The following ZNF18 variants were observed in gnomAD, a reference collection of about 807,000 sequenced individuals.
The protein encoded by ZNF18 is zinc finger protein 18, also known as heart development-specific gene 1 protein.
ZNF18 carries 42 observed loss-of-function variants against 58.1 expected under a neutral mutation model. The ratio of observed to expected loss-of-function variants is 0.72; its 90% CI spans 0.56 to 0.93. The LOEUF is 0.93. ZNF18 is among the 40% of genes least tolerant of loss of function. The probability of loss-of-function intolerance (pLI) is 0.00; values close to 1 mark genes in which losing one functional copy is unlikely to be tolerated. For missense variants in ZNF18, 540 were observed against 644.2 expected, an observed-to-expected ratio of 0.84 and a Z score of 1.75; for synonymous variants, 231 against 239.8, an observed-to-expected ratio of 0.96 and a Z score of 0.34.
the ZNF18 span, chr17:12,020,868 C>T: frequency 8.8e-7 from 1 of 1,138,852 alleles, no homozygotes; most frequent in Non-Finnish European, 1.1e-6. Flanking sequence ...CGGCGCCGCT[C>T]GGCTCTTCAC....
Position 11,988,402 on chromosome 17 carries a change from A to G in ZNF18, c.666+2060T>C, listed in dbSNP as rs1967888594. 2.0e-5 allele frequency among the ~76,000 whole-genome samples: 3 copies of G among 152,316 alleles called. No homozygotes were observed. The South Asian group carries it at 6.2e-4, about 32-fold the overall frequency. On this transcript the variant is annotated intron_variant, in intron 4 of 6. Coordinates refer to ENST00000580306, the MANE Select transcript of ZNF18 (RefSeq NM_001303281.2). ...CAGGCAGCCTCCCTGAGTTGAGCAG[A>G]AGGAGCTCAGAGTCTGGAAATGCCA...
chr17:12,014,061 C>T, the ZNF18 span, among the ~76,000 whole-genome samples: 1 of 152,184 alleles, frequency 6.6e-6, no homozygotes, highest in Non-Finnish European at 1.5e-5. Context: ...ATGTCCTCTT[C>T]ATTGGATATT....
the ZNF18 span, chr17:12,020,911 G>GGCGGCGGCTCCGGGGGCGGCA: frequency 1.3e-5 from 16 of 1,215,702 alleles, no homozygotes; most frequent in Non-Finnish European, 1.6e-5. Context: ...CCCGAGCGGC[G>GGCGGCGGCTCCGGGGGCGGCA]GCGGCGGCTC....
intron 1 of ZNF18, among the ~76,000 whole-genome samples, chr17:11,994,796 G>A (rs1032541320): frequency 1.3e-5 from 2 of 152,016 alleles, no homozygotes; most frequent in South Asian, 2.1e-4. Flanking sequence ...AGCTGAGATC[G>A]TGCCACTGCA....
chr17:12,021,241 C>T, the ZNF18 span: 1 of 291,758 alleles, frequency 3.4e-6, no homozygotes, highest in Non-Finnish European at 6.3e-6. Flanking sequence ...CCCCTGGGCC[C>T]TACCGGGCTC....
chr17:11,979,164 G>A (rs1353734288), intron 6 of ZNF18, among the ~76,000 whole-genome samples: 1 of 150,960 alleles, frequency 6.6e-6, no homozygotes, highest in Non-Finnish European at 1.5e-5. Flanking sequence ...AATATATACA[G>A]AAGAAAACCA....
chr17:11,994,685 C>CA (rs1968349008), intron 1 of ZNF18, among the ~76,000 whole-genome samples: 2 of 151,862 alleles, frequency 1.3e-5, no homozygotes, highest in African/African-American at 4.8e-5. Flanking sequence ...ACTAAAAATA[C>CA]AAAAAATTAG....
chr17:12,008,767 T>C, the ZNF18 span, among the ~76,000 whole-genome samples: 1 of 152,212 alleles, frequency 6.6e-6, no homozygotes, highest in Non-Finnish European at 1.5e-5. Context: ...GATACTTACT[T>C]AATCAGTCTG....
the ZNF18 span, among the ~76,000 whole-genome samples, chr17:12,013,929 G>C: frequency 2.0e-5 from 3 of 152,226 alleles, no homozygotes; most frequent in African/African-American, 7.2e-5. Flanking sequence ...TTGATTGGTT[G>C]AATTTGATGT....
upstream of ZNF18, among the ~76,000 whole-genome samples, chr17:12,001,793 C>A (rs910175169): frequency 4.6e-5 from 7 of 151,910 alleles, no homozygotes; most frequent in South Asian, 1.3e-3. Flanking sequence ...TCACATTATA[C>A]CCCATAAATA....
chr17:12,018,158 T>C, the ZNF18 span, among the ~76,000 whole-genome samples: 1 of 152,250 alleles, frequency 6.6e-6, no homozygotes, highest in Non-Finnish European at 1.5e-5. Context: ...AAGGATATCT[T>C]ATAAATGTAA....
intron 2 of ZNF18, among the ~76,000 whole-genome samples, chr17:11,991,436 A>T (rs1968122860): frequency 6.6e-6 from 1 of 152,234 alleles, no homozygotes; most frequent in Non-Finnish European, 1.5e-5. Context: ...AAACTCAGGC[A>T]TCTTTTAAAT....
chr17:11,981,789 CA>C (rs957697670), intron 6 of ZNF18, among the ~76,000 whole-genome samples: 8 of 150,770 alleles, frequency 5.3e-5, no homozygotes, highest in African/African-American at 1.5e-4. Flanking sequence ...AAATCCTGTC[CA>C]AAAAAAAATC....
chr17:12,016,430 A>G, the ZNF18 span, among the ~76,000 whole-genome samples: 1 of 152,030 alleles, frequency 6.6e-6, no homozygotes, highest in South Asian at 2.1e-4. Context: ...CCTGGGTTCA[A>G]GTGATTCTCC....
At chr17:12,000,227 G>A (rs777490828), upstream of ZNF18, among the ~76,000 whole-genome samples, 45 of 152,038 alleles carry the variant, frequency 3.0e-4, no homozygotes, top group Non-Finnish European at 5.9e-4. Flanking sequence ...ACCCATAAAC[G>A]TTTAGGCCAT....
the ZNF18 span, among the ~76,000 whole-genome samples, chr17:12,017,969 G>C: frequency 2.6e-5 from 4 of 152,218 alleles, no homozygotes; most frequent in South Asian, 6.2e-4. Context: ...GGTTCTCTAA[G>C]CAAGGAATAC....
chr17:12,021,132 C>G, the ZNF18 span: 2 of 474,876 alleles, frequency 4.2e-6, no homozygotes, highest in Non-Finnish European at 6.5e-6. Context: ...CCCTCTCTCC[C>G]TCCCCGGCTT....
At chr17:11,992,976 T>C in intron 1 of ZNF18, 65 bp from the exon 2 acceptor site, 1 of 940,532 alleles carries the variant, frequency 1.1e-6, no homozygotes, top group East Asian at 2.6e-5. Context: ...AAGAACAAAT[T>C]CACATGCCCT....
the ZNF18 span, among the ~76,000 whole-genome samples, chr17:12,017,587 T>C: frequency 2.0e-5 from 3 of 152,172 alleles, no homozygotes; most frequent in Non-Finnish European, 4.4e-5. Context: ...ATGAAAAATG[T>C]ATTCTTGAGG....
Sources: gnomAD v4.1 joint callset for allele counts (sites outside exome capture counted in the v4.1 genomes callset) on GRCh38, gnomAD v4.1.1 for gene constraint, MANE v1.5 for transcripts, NCBI Gene and HGNC (gene_info 2026-07-23, HGNC 2026-07-21) for gene names.